Variants in HTR1F observed in about 807,000 individuals in gnomAD.
The protein encoded by HTR1F is 5-hydroxytryptamine (serotonin) receptor 1F, G protein-coupled.
HTR1F carries 17 observed loss-of-function variants against 24.0 expected under a neutral mutation model. The observed-to-expected ratio is 0.71, with a 90% CI of 0.48 to 1.06. The LOEUF (loss-of-function observed/expected upper bound fraction) is 1.06. Among genes scored for constraint, HTR1F ranks in the 50% least tolerant of loss-of-function variants. The pLI, the probability that HTR1F is intolerant of heterozygous loss-of-function variation, is 0.00. For synonymous variants in HTR1F, 186 were observed against 156.8 expected (o/e 1.19, Z -1.39); for missense variants, 391 against 427.8 (o/e 0.91, Z 0.76).
At chr3:87,870,337 G>T (rs1393790051) in intron 2 of HTR1F, among the ~76,000 whole-genome samples, 3 of 152,044 alleles carry the variant, frequency 2.0e-5, no homozygotes, top group Non-Finnish European at 4.4e-5. Context: ...TAGTAAGATG[G>T]AAGAATTCTC....
At chr3:87,813,255 G>A (rs1255514444) in intron 1 of HTR1F, among the ~76,000 whole-genome samples, 1 of 152,194 alleles carries the variant, frequency 6.6e-6, no homozygotes, top group African/African-American at 2.4e-5. Flanking sequence ...AGCGTGCCCT[G>A]TATTTGAGAC....
At chr3:87,885,589 T>C (rs1233684087) in intron 2 of HTR1F, among the ~76,000 whole-genome samples, 1 of 137,840 alleles carries the variant, frequency 7.3e-6, no homozygotes, top group African/African-American at 3.4e-5. Context: ...AATTGATAGA[T>C]TGCTAGCAAG....
chr3:87,845,101 C>A (rs1049426824), intron 2 of HTR1F, among the ~76,000 whole-genome samples: 4 of 151,640 alleles, frequency 2.6e-5, no homozygotes, highest in Non-Finnish European at 5.9e-5. Flanking sequence ...TAAGAGCTAT[C>A]TATGAGAAAC....
intron 1 of HTR1F, chr3:87,793,144 C>A (rs1009388858): frequency 3.3e-5 from 5 of 152,466 alleles, no homozygotes; most frequent in Admixed American, 1.3e-4. Context: ...TGACCCGGGC[C>A]CAAGGGCGAG....
In HTR1F at chr3:87,804,126, AATG is replaced by A. The variant is rs576398751; in HGVS notation, c.-160+11286_-160+11288del. Among the ~76,000 whole-genome samples the A allele has an allele frequency of 1.3e-3, 196 of 152,282 alleles. 1 individual carries two copies. The highest frequency in any genetic ancestry group is 2.1e-3 in the Non-Finnish European group (145 of 68,004). ...TATTATTTGTCAGGTTTAAAATAATAATGAATTGCAATATTTACACTTAAAACT... is the reference window on the plus strand; with the variant it reads ...TATTATTTGTCAGGTTTAAAATAATAAATTGCAATATTTACACTTAAAACT... On this transcript the variant is annotated intron_variant, in intron 1 of 2. Transcript: ENST00000319595.
chr3:87,876,426 T>C (rs1705674241), intron 2 of HTR1F, among the ~76,000 whole-genome samples: 1 of 152,202 alleles, frequency 6.6e-6, no homozygotes, highest in Non-Finnish European at 1.5e-5. Flanking sequence ...AAGGGAATAT[T>C]ATTCAGTCTT....
chr3:87,858,792 C>T (rs1705255388), intron 2 of HTR1F, among the ~76,000 whole-genome samples: 1 of 152,034 alleles, frequency 6.6e-6, no homozygotes, highest in Admixed American at 6.6e-5. Context: ...TGAGCACATC[C>T]TCTGTAATGG....
chr3:87,817,327 G>A (rs1704267294), intron 1 of HTR1F, among the ~76,000 whole-genome samples: 1 of 152,096 alleles, frequency 6.6e-6, no homozygotes, highest in Non-Finnish European at 1.5e-5. Context: ...AAGATGATAA[G>A]TACATCTCTA....
At chr3:87,869,971 T>G (rs1256833526) in intron 2 of HTR1F, among the ~76,000 whole-genome samples, 1 of 152,142 alleles carries the variant, frequency 6.6e-6, no homozygotes, top group Non-Finnish European at 1.5e-5. Context: ...CTCAGTTTGC[T>G]AACCTATCAT....
chr3:87,864,554 G>A lies in HTR1F; in HGVS notation c.-43+42430G>A, dbSNP rs370992435. On this transcript the variant is annotated intron_variant, in intron 2 of 2. Coordinates refer to ENST00000319595, the MANE Select transcript of HTR1F (RefSeq NM_001322209.2). ...GAAAGACTGTAGGTATTCTACTGGAGTTTTAGCTCCCCTACAAGATGAAGA... is the reference window on the plus strand; with the variant it reads ...GAAAGACTGTAGGTATTCTACTGGAATTTTAGCTCCCCTACAAGATGAAGA... Among the ~76,000 whole-genome samples, 38 of 152,194 alleles carry A rather than the reference G, an allele frequency of 2.5e-4. No homozygotes were observed. The East Asian group carries it at 7.4e-3, about 29-fold the overall frequency.
chr3:87,866,485 T>C (rs1705429049), intron 2 of HTR1F, among the ~76,000 whole-genome samples: 1 of 152,170 alleles, frequency 6.6e-6, no homozygotes, highest in African/African-American at 2.4e-5. Context: ...TATGTCTTTA[T>C]CTGTACTACA....
chr3:87,899,312 C>T (rs1458364395), intron 2 of HTR1F, among the ~76,000 whole-genome samples: 2 of 152,136 alleles, frequency 1.3e-5, no homozygotes, highest in Non-Finnish European at 2.9e-5. Flanking sequence ...TTTTCTTTAG[C>T]CATCATAAAT....
intron 2 of HTR1F, among the ~76,000 whole-genome samples, chr3:87,855,820 C>T (rs190257496): frequency 4.2e-4 from 64 of 152,198 alleles, no homozygotes; most frequent in African/African-American, 1.5e-3. Flanking sequence ...CTTTGTCCAG[C>T]GTATCCACAC....
chr3:87,970,653 C>T (rs1705266173), intron 2 of HTR1F, among the ~76,000 whole-genome samples: 1 of 152,188 alleles, frequency 6.6e-6, no homozygotes, highest in East Asian at 1.9e-4. Context: ...CCTTGAAATT[C>T]TCACTTTCTC....
intron 2 of HTR1F, among the ~76,000 whole-genome samples, chr3:87,829,018 A>T (rs1288466272): frequency 6.6e-6 from 1 of 151,626 alleles, no homozygotes; most frequent in African/African-American, 2.4e-5. Flanking sequence ...AATTTTTAAA[A>T]ATTTATTGTG....
chr3:87,814,452 T>C (rs1433566192), intron 1 of HTR1F, among the ~76,000 whole-genome samples: 1 of 152,176 alleles, frequency 6.6e-6, no homozygotes, highest in East Asian at 1.9e-4. Context: ...TTATCTATTG[T>C]CACCATGTTA....
At chr3:87,944,367 C>T (rs1704644945) in intron 2 of HTR1F, among the ~76,000 whole-genome samples, 1 of 152,176 alleles carries the variant, frequency 6.6e-6, no homozygotes, top group Non-Finnish European at 1.5e-5. Context: ...TACTTTAAGG[C>T]TTGGCTGAGT....
chr3:87,983,942 A>G (rs1705606311), intron 2 of HTR1F, among the ~76,000 whole-genome samples: 1 of 152,130 alleles, frequency 6.6e-6, no homozygotes, highest in Non-Finnish European at 1.5e-5. Flanking sequence ...ACTCTGCCAA[A>G]ACTCAGATAT....
chr3:87,905,553 T>C (rs1437060342), intron 2 of HTR1F, among the ~76,000 whole-genome samples: 4 of 152,098 alleles, frequency 2.6e-5, no homozygotes, highest in East Asian at 1.9e-4. Context: ...TCATAACAAA[T>C]TGCAGAACGT....
Sources: gnomAD v4.1 joint callset for allele counts (sites outside exome capture counted in the v4.1 genomes callset) on GRCh38, gnomAD v4.1.1 for gene constraint, MANE v1.5 for transcripts, NCBI Gene and HGNC (gene_info 2026-07-23, HGNC 2026-07-21) for gene names.